PAPPA2: variants seen among roughly 807,000 people sequenced by gnomAD.
PAPPA2 encodes pappalysin 2, also known as pappalysin-2.
Under a neutral mutation model 176.4 loss-of-function variants are expected in PAPPA2, and 86 were observed. The observed-to-expected ratio is 0.49, with a 90% CI of 0.41 to 0.58. The LOEUF is 0.58. PAPPA2 is among the 20% of genes least tolerant of loss of function. The pLI is 0.00. For synonymous variants in PAPPA2, 809 were observed against 852.2 expected, an observed-to-expected ratio of 0.95 and a Z score of 0.88; for missense variants, 2,073 against 2,256.9, an observed-to-expected ratio of 0.92 and a Z score of 1.65.
At chr1:176,607,333 G>A (rs1212065793) in intron 3 of PAPPA2, among the ~76,000 whole-genome samples, 2 of 152,230 alleles carry the variant, frequency 1.3e-5, no homozygotes, top group African/African-American at 4.8e-5. Context: ...TTGCATGTTT[G>A]TACCTGTTAA....
chr1:176,812,832 G>A (rs1327787046), intron 21 of PAPPA2, among the ~76,000 whole-genome samples: 1 of 151,458 alleles, frequency 6.6e-6, no homozygotes, highest in Non-Finnish European at 1.5e-5. Context: ...GTGCAGGTTT[G>A]TTACATAGGT....
chr1:176,495,575 C>T (rs1045861274), intron 1 of PAPPA2, among the ~76,000 whole-genome samples: 1 of 150,154 alleles, frequency 6.7e-6, no homozygotes, highest in Non-Finnish European at 1.5e-5. Flanking sequence ...AGAAAAGAAA[C>T]TTAACAGCTA....
rs1651233543 is a variant in PAPPA2, at chr1:176,555,626, C to T, written c.-697C>T. The T allele has an allele frequency of 6.6e-6, 1 of 152,206 alleles. No individual in the cohort carries two copies. The highest frequency in any genetic ancestry group is 6.5e-5 in the Admixed American group (1 of 15,276). 9.4% of individuals were successfully genotyped at this position (152,206 alleles called of 1,614,324 possible). On this transcript the variant is annotated 5_prime_UTR_variant, in exon 2 of 23. Coordinates refer to ENST00000367662, the MANE Select transcript of PAPPA2 (RefSeq NM_020318.3). ...GACTGGAGGCTGGATGGGGACCTGG[C>T]TGAAGACATCTGGAGAATGAAAGTT... is the stretch of plus-strand genomic sequence containing the variant.
At chr1:176,606,347 CTAAG>C (rs1654611346) in intron 3 of PAPPA2, among the ~76,000 whole-genome samples, 1 of 152,078 alleles carries the variant, frequency 6.6e-6, no homozygotes, top group Non-Finnish European at 1.5e-5. Flanking sequence ...TGGATAAAAA[CTAAG>C]TATTTGTTGA....
intron 12 of PAPPA2, among the ~76,000 whole-genome samples, chr1:176,718,708 TA>T (rs536900960): frequency 0.022 from 3,149 of 145,672 alleles, 98 homozygotes; most frequent in Admixed American, 0.083. Context: ...CTTTTTTTTT[TA>T]AAAAAAAAAA....
At chr1:176,637,775 T>C (rs1407022425) in intron 3 of PAPPA2, among the ~76,000 whole-genome samples, 2 of 152,136 alleles carry the variant, frequency 1.3e-5, no homozygotes, top group African/African-American at 4.8e-5. Context: ...TTGTGGCCTT[T>C]CTGTATTACG....
chr1:176,677,879 C>T (rs1318850405), intron 4 of PAPPA2, among the ~76,000 whole-genome samples: 1 of 152,182 alleles, frequency 6.6e-6, no homozygotes, highest in African/African-American at 2.4e-5. Flanking sequence ...TGAAAACAGT[C>T]TGCCCTTAAG....
chr1:176,805,248 T>G (rs1665853422), intron 21 of PAPPA2, among the ~76,000 whole-genome samples: 1 of 152,164 alleles, frequency 6.6e-6, no homozygotes, highest in South Asian at 2.1e-4. Flanking sequence ...ATAGTCTCCT[T>G]TTACATAGAA....
chr1:176,691,505 G>A (rs1280951140), intron 5 of PAPPA2, among the ~76,000 whole-genome samples: 2 of 152,210 alleles, frequency 1.3e-5, no homozygotes, highest in Non-Finnish European at 2.9e-5. Flanking sequence ...CACCTTTGAA[G>A]CGGGAAGAGG....
intron 5 of PAPPA2, among the ~76,000 whole-genome samples, chr1:176,691,739 C>T (rs1660129741): frequency 6.6e-6 from 1 of 152,226 alleles, no homozygotes; most frequent in Non-Finnish European, 1.5e-5. Flanking sequence ...ACTCACTAAC[C>T]TCTGCCAACG....
chr1:176,585,890 T>G (rs1459821636), intron 2 of PAPPA2, among the ~76,000 whole-genome samples: 2 of 152,144 alleles, frequency 1.3e-5, no homozygotes, highest in Admixed American at 1.3e-4. Context: ...ATTTTTTTAT[T>G]TTGTTTAACC....
chr1:176,470,482 A>G (rs1651820377), intron 1 of PAPPA2, among the ~76,000 whole-genome samples: 1 of 152,164 alleles, frequency 6.6e-6, no homozygotes, highest in Non-Finnish European at 1.5e-5. Context: ...GGAAAGGCAG[A>G]TCAGAAGGAC....
intron 3 of PAPPA2, among the ~76,000 whole-genome samples, chr1:176,656,071 A>G (rs1309081048): frequency 1.3e-5 from 2 of 151,942 alleles, no homozygotes; most frequent in African/African-American, 4.8e-5. Flanking sequence ...AGATTTCTGA[A>G]TATATTTTCA....
At chr1:176,791,173 A>ATTTTTTTTTTTT (rs57185368) in intron 18 of PAPPA2, among the ~76,000 whole-genome samples, 174 bp from the exon 19 acceptor site, 8 of 80,880 alleles carry the variant, frequency 9.9e-5, no homozygotes, top group African/African-American at 4.2e-4. Context: ...AAAGCAAAGA[A>ATTTTTTTTTTTT]TTTTTTTTTT....
chr1:176,648,263 A>G (rs1657526236), intron 3 of PAPPA2, among the ~76,000 whole-genome samples: 1 of 151,468 alleles, frequency 6.6e-6, no homozygotes, highest in African/African-American at 2.4e-5. Flanking sequence ...TATAAATGCT[A>G]CTAACTTTTA....
At chr1:176,834,332 A>G (rs934930989) in intron 21 of PAPPA2, among the ~76,000 whole-genome samples, 2 of 152,204 alleles carry the variant, frequency 1.3e-5, no homozygotes, top group Admixed American at 6.6e-5. Context: ...ATATCTATCT[A>G]TTTGAATTTT....
At chr1:176,624,406 A>T (rs1345151924) in intron 3 of PAPPA2, among the ~76,000 whole-genome samples, 1 of 152,234 alleles carries the variant, frequency 6.6e-6, no homozygotes. Context: ...ATTCCCAAAT[A>T]GCAGAATGCA....
intron 3 of PAPPA2, among the ~76,000 whole-genome samples, chr1:176,626,852 T>G (rs942452552): frequency 2.6e-5 from 4 of 151,568 alleles, no homozygotes; most frequent in Non-Finnish European, 5.9e-5. Context: ...GGCAATAAGA[T>G]TGAGTGTGTG....
chr1:176,602,713 CA>C (rs942903920), intron 3 of PAPPA2, among the ~76,000 whole-genome samples: 13 of 146,760 alleles, frequency 8.9e-5, no homozygotes, highest in South Asian at 2.2e-4. Context: ...AACTAAACAG[CA>C]AAAAAAAAAC....
Sources: allele counts gnomAD v4.1 joint callset (sites outside exome capture counted in the v4.1 genomes callset), GRCh38; gene constraint gnomAD v4.1.1; transcripts MANE v1.5; gene names NCBI Gene and HGNC (gene_info 2026-07-23, HGNC 2026-07-21).